HRH1: variants seen among roughly 807,000 people sequenced by gnomAD.
The protein encoded by HRH1 is histamine H1 receptor.
A neutral mutation model predicts 10.3 loss-of-function variants in HRH1; 6 were observed. That is an observed-to-expected ratio of 0.58 (90% CI 0.32 to 1.15). HRH1 has a LOEUF of 1.15. Ranked by LOEUF, HRH1 falls within the 50% of genes most tolerant of loss-of-function variation. HRH1 has a pLI of 0.05. For synonymous variants in HRH1, 242 were observed against 236.7 expected (o/e 1.02, Z -0.21); for missense variants, 514 against 615.3 (o/e 0.84, Z 1.74).
At position 11,259,426 on chromosome 3, in the gene HRH1, A is replaced by G; in HGVS notation, c.389A>G (p.Gln130Arg). Residue 130 changes from glutamine (Q) to arginine (R), a missense_variant, in exon 2 of 2, where the codon CAG becomes CGG. Gln to Arg is a conservative substitution (Grantham distance 43). Coordinates refer to ENST00000431010, the MANE Select transcript of HRH1 (RefSeq NM_001098212.2). The surrounding 1 kb of genome is among the most constrained non-coding windows in gnomAD (Gnocchi z 4.6). ...TGCATTGATCGCTACCGCTCTGTCC[A>G]GCAGCCCCTCAGGTACCTTAAGTAT... is the stretch of plus-strand genomic sequence containing the variant. The part of the protein sequence containing the change: ...ILCIDRYRSV[Q>R]QPLRYLKYRT... 1 of 1,613,842 alleles carries G rather than the reference A, an allele frequency of 6.2e-7. No individual in the cohort carries two copies. Among genetic ancestry groups the G allele is most frequent in the South Asian group, 1.1e-5 (1 of 91,058 alleles).
At chr3:11,185,646 G>C (rs767310606) in intron 1 of HRH1, among the ~76,000 whole-genome samples, 1 of 152,166 alleles carries the variant, frequency 6.6e-6, no homozygotes, top group Non-Finnish European at 1.5e-5. Flanking sequence ...CCACTTTCTC[G>C]GGTGAGCTGT....
intron 1 of HRH1, among the ~76,000 whole-genome samples, chr3:11,144,126 A>G (rs953768521): frequency 1.3e-5 from 2 of 152,238 alleles, no homozygotes; most frequent in South Asian, 2.1e-4. Flanking sequence ...TACAACCTCT[A>G]TGGAAACCAG....
chr3:11,240,180 C>T (rs143430957), intron 1 of HRH1, among the ~76,000 whole-genome samples: 14 of 152,116 alleles, frequency 9.2e-5, no homozygotes, highest in African/African-American at 3.1e-4. Flanking sequence ...AAAAGGTGTC[C>T]ACTCCTGGGT....
At chr3:11,196,005 C>G (rs1937636284) in intron 1 of HRH1, among the ~76,000 whole-genome samples, 1 of 152,232 alleles carries the variant, frequency 6.6e-6, no homozygotes, top group Non-Finnish European at 1.5e-5. Flanking sequence ...AAGCCTAGCT[C>G]CACCCTCCCA....
chr3:11,239,683 T>C (rs574598301), intron 1 of HRH1, among the ~76,000 whole-genome samples: 1 of 152,300 alleles, frequency 6.6e-6, no homozygotes, highest in Non-Finnish European at 1.5e-5. Context: ...TCTAAATTCA[T>C]CCTTCTGCTG....
intron 1 of HRH1, among the ~76,000 whole-genome samples, chr3:11,180,956 C>T (rs1937340696): frequency 1.0e-5 from 1 of 97,006 alleles, no homozygotes. Context: ...CATACACACA[C>T]ACACACACAC....
intron 1 of HRH1, among the ~76,000 whole-genome samples, chr3:11,246,293 G>A (rs1287186011): frequency 1.3e-5 from 2 of 152,142 alleles, no homozygotes; most frequent in African/African-American, 4.8e-5. Flanking sequence ...CATCTCACAT[G>A]GCTCCTTTAG....
chr3:11,145,651 A>G (rs1468200987), intron 1 of HRH1, among the ~76,000 whole-genome samples: 2 of 152,196 alleles, frequency 1.3e-5, no homozygotes, highest in African/African-American at 2.4e-5. Flanking sequence ...GTAAAGTTCA[A>G]TGAATTTTTG....
chr3:11,247,456 G>A (rs952926480), intron 1 of HRH1, among the ~76,000 whole-genome samples: 3 of 152,106 alleles, frequency 2.0e-5, no homozygotes, highest in African/African-American at 7.2e-5. Context: ...ATTGGCTAAG[G>A]TTGGCCCTCC....
intron 1 of HRH1, among the ~76,000 whole-genome samples, chr3:11,198,901 T>TACACACACACAC (rs1491456900): frequency 2.3e-5 from 2 of 86,090 alleles, no homozygotes; most frequent in African/African-American, 8.3e-5. Context: ...TCTCTCTCTT[T>TACACACACACAC]ATACACACAC....
intron 1 of HRH1, among the ~76,000 whole-genome samples, chr3:11,174,985 G>C (rs1407177853): frequency 6.6e-6 from 1 of 152,164 alleles, no homozygotes; most frequent in Non-Finnish European, 1.5e-5. Context: ...CACTTGGTGT[G>C]GCTTGGTTTC....
rs185989535 is a variant in HRH1 at position 11,252,133 on chromosome 3, G to A, written c.-35-6870G>A. Among the ~76,000 whole-genome samples, 46 of 152,312 alleles carry A rather than the reference G, an allele frequency of 3.0e-4. No individual in the cohort carries two copies. The South Asian group carries it at 7.7e-3, about 25-fold the overall frequency. On this transcript the variant is annotated intron_variant, in intron 1 of 1. Coordinates refer to ENST00000431010, the MANE Select transcript of HRH1 (RefSeq NM_001098212.2). ...ATTGCCAAATGATGGGGTCTGGCTCGTCTTGTGTGAGCTTTTTGTATGAGA... is the reference window on the plus strand; with the variant it reads ...ATTGCCAAATGATGGGGTCTGGCTCATCTTGTGTGAGCTTTTTGTATGAGA...
intron 1 of HRH1, among the ~76,000 whole-genome samples, chr3:11,230,435 A>G (rs1939009075): frequency 6.6e-6 from 1 of 152,178 alleles, no homozygotes; most frequent in Admixed American, 6.5e-5. Context: ...ACTGGATCCT[A>G]CTGAATCGAC....
chr3:11,231,106 C>A (rs1939027906), intron 1 of HRH1, among the ~76,000 whole-genome samples: 1 of 152,126 alleles, frequency 6.6e-6, no homozygotes, highest in African/African-American at 2.4e-5. Flanking sequence ...AGTTAGTAAC[C>A]TTTTGGGACT....
chr3:11,259,799 G>T lies in HRH1; in HGVS notation c.762G>T (p.Glu254Asp). The change falls in exon 2 of 2, where the codon GAG becomes GAT. Residue 254 changes from glutamate (E) to aspartate (D), a missense_variant. Glu to Asp is a conservative substitution (Grantham distance 45). Coordinates refer to ENST00000431010, the MANE Select transcript of HRH1 (RefSeq NM_001098212.2). The surrounding 1 kb of genome is among the most constrained non-coding windows in gnomAD (Gnocchi z 4.6). ...PKGDAKKPGK[E>D]SPWEVLKRKP... The stretch of plus-strand genomic sequence containing the variant: ...GGGATGCCAAGAAACCAGGGAAGGA[G>T]TCTCCCTGGGAGGTTCTGAAAAGGA... The T allele has an allele frequency of 6.2e-7, 1 of 1,613,946 alleles. No individual in the cohort carries two copies. Among genetic ancestry groups the T allele is most frequent in the Non-Finnish European group, 8.5e-7 (1 of 1,179,926 alleles).
intron 1 of HRH1, among the ~76,000 whole-genome samples, chr3:11,233,243 A>G (rs1348398833): frequency 6.6e-6 from 1 of 151,938 alleles, no homozygotes; most frequent in East Asian, 1.9e-4. Context: ...TGAATGTTAG[A>G]TCTTTTGTTA....
At chr3:11,205,876 G>T (rs975180194) in intron 1 of HRH1, among the ~76,000 whole-genome samples, 2 of 152,104 alleles carry the variant, frequency 1.3e-5, no homozygotes, top group African/African-American at 4.8e-5. Flanking sequence ...TGGCCAAGCT[G>T]GTCTTGAACT....
At position 11,210,031 on chromosome 3, in the gene HRH1, A is replaced by G. The variant is rs1057197372; in HGVS notation, c.-35-48972A>G. Among the ~76,000 whole-genome samples the G allele has an allele frequency of 2.6e-5, 4 of 152,136 alleles. No homozygotes were observed. In the East Asian group the frequency reaches 7.7e-4, roughly 29 times the overall value. On this transcript the variant is annotated intron_variant, in intron 1 of 1. Coordinates refer to ENST00000431010, the MANE Select transcript of HRH1 (RefSeq NM_001098212.2). The stretch of plus-strand genomic sequence containing the variant: ...TGAAGACCTTGGCATTAAATGACTT[A>G]AGTTTGAATTCCGCCTCTTCCCTTA...
chr3:11,155,223 G>T (rs1288189690), intron 1 of HRH1, among the ~76,000 whole-genome samples: 1 of 152,168 alleles, frequency 6.6e-6, no homozygotes, highest in African/African-American at 2.4e-5. Context: ...TGCAGCTGGG[G>T]GTGTGGAGCA....
Sources: gnomAD v4.1 joint callset for allele counts (sites outside exome capture counted in the v4.1 genomes callset) on GRCh38, gnomAD v4.1.1 for gene constraint, Gnocchi (gnomAD v3.1) non-coding constraint, MANE v1.5 for transcripts, NCBI Gene and HGNC (gene_info 2026-07-23, HGNC 2026-07-21) for gene names.